Variants in MROH7 observed in about 807,000 individuals in gnomAD.
MROH7 encodes the protein maestro heat like repeat family member 7, also known as maestro heat-like repeat-containing protein family member 7.
A neutral mutation model predicts 129.2 loss-of-function variants in MROH7; 113 were observed. The ratio of observed to expected loss-of-function variants is 0.87; its 90% CI spans 0.75 to 1.02. The LOEUF (loss-of-function observed/expected upper bound fraction) is 1.02. Ranked by LOEUF, MROH7 falls within the 50% of genes least tolerant of loss-of-function variation. The pLI, the probability that MROH7 is intolerant of heterozygous loss-of-function variation, is 0.00. For synonymous variants in MROH7, 655 were observed against 667.9 expected (o/e 0.98, Z 0.30); for missense variants, 1,601 against 1,671.3 (o/e 0.96, Z 0.73).
intron 3 of MROH7, among the ~76,000 whole-genome samples, chr1:54,654,783 T>C (rs1264148737): frequency 1.3e-5 from 2 of 152,214 alleles, no homozygotes; most frequent in South Asian, 2.1e-4. Flanking sequence ...TCTTCCTTGA[T>C]ACATTTTAGA....
At chr1:54,695,664 T>C (rs2101187513) in intron 17 of MROH7, 174 bp downstream of exon 17, 1 of 669,496 alleles carries the variant, frequency 1.5e-6, no homozygotes, top group Non-Finnish European at 2.8e-6. Context: ...TCCCTGTCTC[T>C]CCACCCTTTA....
At chr1:54,646,307 C>A (rs1399907112) in intron 1 of MROH7, among the ~76,000 whole-genome samples, 1 of 149,234 alleles carries the variant, frequency 6.7e-6, no homozygotes, top group African/African-American at 2.5e-5. Flanking sequence ...CACTGGGAGA[C>A]CCTCTCTGTT....
At chr1:54,699,766 G>C (rs1279386025) in intron 17 of MROH7, 1 of 323,136 alleles carries the variant, frequency 3.1e-6, no homozygotes, top group Non-Finnish European at 5.7e-6. Context: ...GGCACTGAAG[G>C]TTTCCAGCTG....
intron 1 of MROH7, 135 bp from the exon 2 acceptor site, chr1:54,651,814 G>GTGTGTA (rs1644562330): frequency 1.8e-5 from 1 of 54,938 alleles, no homozygotes; most frequent in South Asian, 7.3e-4. Flanking sequence ...CTCTCTCTGT[G>GTGTGTA]TGTGTGTGTT....
intron 14 of MROH7, among the ~76,000 whole-genome samples, chr1:54,684,229 C>G (rs1413681788): frequency 6.6e-6 from 1 of 152,148 alleles, no homozygotes; most frequent in Non-Finnish European, 1.5e-5. Context: ...TAGTATTATC[C>G]CATTACAGAG....
chr1:54,678,808 C>T lies in MROH7; in HGVS notation c.2003C>T (p.Pro668Leu), dbSNP rs1183285150. The change falls in exon 11 of 24, where the codon CCC becomes CTC. Residue 668 changes from proline to leucine, a missense_variant. Coordinates refer to ENST00000421030, the MANE Select transcript of MROH7 (RefSeq NM_001039464.4). ...LYESNKHFLGPYNPVSPCQNI... is the reference protein window; with the variant it reads ...LYESNKHFLGLYNPVSPCQNI... The stretch of plus-strand genomic sequence containing the variant: ...GAGAGCAACAAGCATTTCCTGGGGC[C>T]CTACAACCCTGTGAGCCCGTGCCAG... 1.9e-6 allele frequency: 3 copies of T among 1,614,002 alleles called. No individual in the cohort carries two copies. Among genetic ancestry groups the T allele is most frequent in the African/African-American group, 1.3e-5 (1 of 74,916 alleles).
At chr1:54,645,649 T>TTA (rs1644453455) in intron 1 of MROH7, among the ~76,000 whole-genome samples, 1 of 65,100 alleles carries the variant, frequency 1.5e-5, no homozygotes, top group South Asian at 6.3e-4. Flanking sequence ...TTTTCTTTCT[T>TTA]TCTTTCTTTT....
intron 1 of MROH7, among the ~76,000 whole-genome samples, chr1:54,649,962 A>G (rs1312519322): frequency 6.6e-6 from 1 of 152,196 alleles, no homozygotes; most frequent in East Asian, 1.9e-4. Context: ...GGCAGATGCA[A>G]AGCTGTGCAG....
At chr1:54,690,385 T>TGACAGAGAGGA (rs1645214367) in intron 15 of MROH7, among the ~76,000 whole-genome samples, 2 of 151,126 alleles carry the variant, frequency 1.3e-5, no homozygotes, top group South Asian at 4.2e-4. Context: ...TGAGGTGAAA[T>TGACAGAGAGGA]GACAGAGAGG....
At chr1:54,674,838 C>T (rs1644956495) in intron 10 of MROH7, among the ~76,000 whole-genome samples, 2 of 152,158 alleles carry the variant, frequency 1.3e-5, no homozygotes, top group Non-Finnish European at 1.5e-5. Flanking sequence ...GTGGTTTAAA[C>T]TCTCCTGGCT....
chr1:54,701,729 C>A (rs1645439401), intron 19 of MROH7, among the ~76,000 whole-genome samples: 1 of 151,902 alleles, frequency 6.6e-6, no homozygotes, highest in Non-Finnish European at 1.5e-5. Context: ...CCACTATGCC[C>A]AGCTAATTTT....
At chr1:54,674,840 C>T (rs1477645674) in intron 10 of MROH7, among the ~76,000 whole-genome samples, 1 of 152,198 alleles carries the variant, frequency 6.6e-6, no homozygotes, top group African/African-American at 2.4e-5. Flanking sequence ...GGTTTAAACT[C>T]TCCTGGCTCT....
chr1:54,652,422 T>C (rs1165708786), intron 2 of MROH7, among the ~76,000 whole-genome samples: 1 of 152,200 alleles, frequency 6.6e-6, no homozygotes, highest in Non-Finnish European at 1.5e-5. Flanking sequence ...CTTCCAACTG[T>C]GTAACTGGCA....
chr1:54,645,486 G>A (rs949444501), intron 1 of MROH7, among the ~76,000 whole-genome samples: 3 of 151,578 alleles, frequency 2.0e-5, no homozygotes, highest in Admixed American at 2.0e-4. Context: ...TCACCATGTT[G>A]GCCAGGCTGG....
rs752160299 is a variant in MROH7, at chr1:54,701,340, C to T, written c.3285+18C>T. 7.7e-6 allele frequency: 12 copies of T among 1,568,138 alleles called. No homozygotes were observed. The highest frequency in any genetic ancestry group is 4.8e-5 in the South Asian group (4 of 83,434). On this transcript the variant is annotated intron_variant, in intron 19 of 23. Coordinates refer to ENST00000421030, the MANE Select transcript of MROH7 (RefSeq NM_001039464.4). ...TCAGCGACGTGAGGACCTCACAGAGCGAAGGAGCAGGAGGGATCGAGAAGG... is the reference window on the plus strand; with the variant it reads ...TCAGCGACGTGAGGACCTCACAGAGTGAAGGAGCAGGAGGGATCGAGAAGG...
chr1:54,687,311 G>T (rs947870667), intron 15 of MROH7, among the ~76,000 whole-genome samples: 1 of 152,166 alleles, frequency 6.6e-6, no homozygotes, highest in Non-Finnish European at 1.5e-5. Flanking sequence ...CTGACCTCAG[G>T]CGATCCACCC....
chr1:54,644,567 T>A (rs1178492873), intron 1 of MROH7, among the ~76,000 whole-genome samples: 2 of 151,868 alleles, frequency 1.3e-5, no homozygotes, highest in African/African-American at 2.4e-5. Flanking sequence ...AGTCTCAAGC[T>A]CCTAACCTCA....
At chr1:54,659,970 C>T (rs1450272506) in intron 3 of MROH7, among the ~76,000 whole-genome samples, 1 of 152,032 alleles carries the variant, frequency 6.6e-6, no homozygotes, top group Non-Finnish European at 1.5e-5. Context: ...TGTTGTTGAC[C>T]ATGACTTTTG....
At chr1:54,643,771 A>C (rs1321180783) in intron 1 of MROH7, among the ~76,000 whole-genome samples, 7 of 152,184 alleles carry the variant, frequency 4.6e-5, no homozygotes, top group Non-Finnish European at 8.8e-5. Flanking sequence ...ACTTGCATGC[A>C]TTTTTATTTC....
Sources: gnomAD v4.1 joint callset for allele counts (sites outside exome capture counted in the v4.1 genomes callset) on GRCh38, gnomAD v4.1.1 for gene constraint, MANE v1.5 for transcripts, NCBI Gene and HGNC (gene_info 2026-07-23, HGNC 2026-07-21) for gene names.